Variants in NBAS observed in about 807,000 individuals in gnomAD.
NBAS encodes the protein NBAS subunit of NRZ tethering complex.
NBAS carries 219 observed loss-of-function variants against 302.5 expected under a neutral mutation model. The ratio of observed to expected loss-of-function variants is 0.72; its 90% CI spans 0.65 to 0.81. The LOEUF (loss-of-function observed/expected upper bound fraction) is 0.81. Among genes scored for constraint, NBAS ranks in the 30% least tolerant of loss-of-function variants. The pLI is 0.00. For missense variants in NBAS, 2,932 were observed against 2,841.6 expected (o/e 1.03, Z -0.72); for synonymous variants, 1,118 against 1,021.6 (o/e 1.09, Z -1.80).
Position 15,387,420 on chromosome 2 carries a change from G to T in NBAS, c.3258-4103C>A, listed in dbSNP as rs564111153. On this transcript the variant is annotated intron_variant, in intron 28 of 51. Transcript: ENST00000281513. Reference sequence around the variant, plus strand: ...AACTGGCTCTAAATGAACTTCCAAAGAACTTAGCAAAATTTCTAATTTCAT... The same window carrying T: ...AACTGGCTCTAAATGAACTTCCAAATAACTTAGCAAAATTTCTAATTTCAT... Among the ~76,000 whole-genome samples, 10 of 152,124 alleles carry T rather than the reference G, an allele frequency of 6.6e-5. No homozygotes were observed. The South Asian group carries it at 2.1e-3, about 32-fold the overall frequency.
At chr2:15,017,384 G>C in the NBAS span, among the ~76,000 whole-genome samples, 1 of 151,998 alleles carries the variant, frequency 6.6e-6, no homozygotes, top group Admixed American at 6.6e-5. Context: ...ACAATCTACA[G>C]AATGGTAGAA....
At chr2:15,219,531 C>CA (rs1301654083) in intron 47 of NBAS, among the ~76,000 whole-genome samples, 1 of 133,684 alleles carries the variant, frequency 7.5e-6, no homozygotes, top group Admixed American at 7.8e-5. Flanking sequence ...TGACTCTTAA[C>CA]GAGCATGCTG....
the NBAS span, among the ~76,000 whole-genome samples, chr2:14,901,587 G>C: frequency 1.3e-5 from 2 of 152,040 alleles, no homozygotes; most frequent in East Asian, 3.9e-4. Flanking sequence ...CAATAAATGA[G>C]AACAGCTGAA....
intron 44 of NBAS, among the ~76,000 whole-genome samples, chr2:15,246,134 T>C (rs1287738184): frequency 6.6e-6 from 1 of 152,230 alleles, no homozygotes; most frequent in Non-Finnish European, 1.5e-5. Flanking sequence ...TCTCCTTAGA[T>C]TCCCATTTTT....
chr2:14,998,810 G>A, the NBAS span, among the ~76,000 whole-genome samples: 11 of 152,274 alleles, frequency 7.2e-5, no homozygotes, highest in Admixed American at 5.2e-4. Context: ...TTCTTGAAGT[G>A]GAATACACTT....
chr2:15,139,226 T>G, the NBAS span, among the ~76,000 whole-genome samples: 1 of 152,216 alleles, frequency 6.6e-6, no homozygotes, highest in Admixed American at 6.5e-5. Flanking sequence ...TATCATCTTT[T>G]TTTATAAAAA....
At chr2:15,454,620 A>G (rs961965812) in intron 21 of NBAS, among the ~76,000 whole-genome samples, 2 of 152,196 alleles carry the variant, frequency 1.3e-5, no homozygotes, top group African/African-American at 4.8e-5. Flanking sequence ...ACCCTGCTGA[A>G]CCAAGCCATG....
the NBAS span, among the ~76,000 whole-genome samples, chr2:15,051,892 T>C: frequency 2.0e-5 from 3 of 152,284 alleles, no homozygotes; most frequent in Admixed American, 2.0e-4. Context: ...GTTCAACCCC[T>C]ACCTCTTTTT....
At chr2:15,512,120 A>T (rs1400504618) in intron 9 of NBAS, among the ~76,000 whole-genome samples, 1 of 152,198 alleles carries the variant, frequency 6.6e-6, no homozygotes, top group Non-Finnish European at 1.5e-5. Context: ...GGCCATACTC[A>T]TAGAAAAACC....
the NBAS span, among the ~76,000 whole-genome samples, chr2:14,847,751 T>G: frequency 2.6e-5 from 4 of 152,142 alleles, no homozygotes; most frequent in Non-Finnish European, 4.4e-5. Flanking sequence ...CGAAGAAACA[T>G]CTGACTTAAT....
chr2:15,558,469 A>AT lies in NBAS; in HGVS notation c.172+110dup, dbSNP rs1664748678. 3 of 737,094 alleles carry AT rather than the reference A, an allele frequency of 4.1e-6. No homozygotes were observed. The East Asian group carries it at 8.3e-5, about 20-fold the overall frequency. 45.7% of individuals were successfully genotyped at this position (737,094 alleles called of 1,614,324 possible). ...GTGTGTATATATAAATATATATATA[A>AT]TTAAACTCAGATAACACACATTACT... On this transcript the variant is annotated intron_variant, in intron 2 of 51. Coordinates refer to ENST00000281513, the MANE Select transcript of NBAS (RefSeq NM_015909.4).
At chr2:14,971,107 T>C in the NBAS span, among the ~76,000 whole-genome samples, 1 of 152,226 alleles carries the variant, frequency 6.6e-6, no homozygotes, top group African/African-American at 2.4e-5. Context: ...TTTAGCCCTC[T>C]TGAACCAATT....
the NBAS span, among the ~76,000 whole-genome samples, chr2:14,803,048 TAAAAATAA>T: frequency 2.0e-5 from 3 of 152,004 alleles, no homozygotes; most frequent in African/African-American, 4.8e-5. Flanking sequence ...ATAAAAAAAA[TAAAAATAA>T]AAAAATAAAA....
At chr2:15,305,509 C>T (rs527868424) in intron 40 of NBAS, among the ~76,000 whole-genome samples, 15 of 147,318 alleles carry the variant, frequency 1.0e-4, no homozygotes, top group South Asian at 6.5e-4. Flanking sequence ...CGGAGTGCAA[C>T]GGCGCGATCT....
At chr2:15,309,055 G>GA (rs1007376956) in intron 39 of NBAS, 116 bp downstream of exon 39, 192 of 481,564 alleles carry the variant, frequency 4.0e-4, no homozygotes, top group African/African-American at 3.2e-3. Flanking sequence ...ATAAATAAAA[G>GA]AAAAAAAAGA....
chr2:14,824,054 G>A, the NBAS span, among the ~76,000 whole-genome samples: 4 of 152,164 alleles, frequency 2.6e-5, no homozygotes, highest in African/African-American at 9.7e-5. Flanking sequence ...AGAGCCAGAG[G>A]GGCAACCCTG....
intron 44 of NBAS, among the ~76,000 whole-genome samples, chr2:15,252,359 G>C (rs370312348): frequency 6.6e-6 from 1 of 152,120 alleles, no homozygotes; most frequent in Admixed American, 6.5e-5. Flanking sequence ...TTAGCCGGGC[G>C]TGGTGGCGCG....
the NBAS span, among the ~76,000 whole-genome samples, chr2:14,947,980 T>TG: frequency 6.6e-6 from 1 of 152,110 alleles, no homozygotes; most frequent in Non-Finnish European, 1.5e-5. Flanking sequence ...AGTTTGATCA[T>TG]GGTGAGTGAT....
chr2:15,528,895 ATATG>A lies in NBAS; in HGVS notation c.746+5644_746+5647del, dbSNP rs1334318733. Among the ~76,000 whole-genome samples, 534 of 145,812 alleles carry A rather than the reference ATATG, an allele frequency of 3.7e-3. 5 individuals carry two copies. The highest frequency in any genetic ancestry group is 0.013 in the African/African-American group (499 of 39,612). ...AAAAAAAAAATATATATATATATAT[ATATG>A]TGTGTATATATATATACACACACAC... On this transcript the variant is annotated intron_variant, in intron 9 of 51. Transcript: ENST00000281513.
Sources: gnomAD v4.1 joint callset for allele counts (sites outside exome capture counted in the v4.1 genomes callset) on GRCh38, gnomAD v4.1.1 for gene constraint, MANE v1.5 for transcripts, NCBI Gene and HGNC (gene_info 2026-07-23, HGNC 2026-07-21) for gene names.